Variants in CCDC191 observed in about 807,000 individuals in gnomAD.
The protein encoded by CCDC191 is coiled-coil domain containing 191, also known as coiled-coil domain-containing protein 191.
Under a neutral mutation model 114.0 loss-of-function variants are expected in CCDC191, and 99 were observed. The observed-to-expected ratio is 0.87, with a 90% CI of 0.74 to 1.03. The LOEUF (loss-of-function observed/expected upper bound fraction) is 1.03. Ranked by LOEUF, CCDC191 falls within the 50% of genes least tolerant of loss-of-function variation. The pLI is 0.00. For synonymous variants in CCDC191, 351 were observed against 376.0 expected, an observed-to-expected ratio of 0.93 and a Z score of 0.77; for missense variants, 973 against 1,087.0, an observed-to-expected ratio of 0.90 and a Z score of 1.47.
intron 1 of CCDC191, 53 bp downstream of exon 1, chr3:114,056,324 T>C: frequency 6.4e-7 from 1 of 1,573,834 alleles, no homozygotes. Context: ...GCTTCCTGAC[T>C]GCGCCGCGCC....
chr3:114,035,045 T>A lies in CCDC191; in HGVS notation c.698A>T (p.Glu233Val). The A allele has an allele frequency of 6.2e-7, 1 of 1,614,142 alleles. No individual in the cohort carries two copies. Among genetic ancestry groups the A allele is most frequent in the Non-Finnish European group, 8.5e-7 (1 of 1,180,002 alleles). The change falls in exon 6 of 17, where the codon GAA becomes GTA. Residue 233 changes from glutamate to valine, a missense_variant. Transcript: ENST00000295878. ...CTCCAGAGCCTTCCTTTTCTTCTCT[T>A]CTTGCACCAGACACTGAGCCTCCAA... ...AFLEAQCLVQ[E>V]EKKRKALEAK... is the part of the protein sequence containing the mutation.
intron 13 of CCDC191, among the ~76,000 whole-genome samples, chr3:114,001,038 A>G (rs1013282411): frequency 6.6e-6 from 1 of 152,102 alleles, no homozygotes; most frequent in Non-Finnish European, 1.5e-5. Flanking sequence ...TTTAGGCCTT[A>G]TCTTCCCAAG....
intron 13 of CCDC191, among the ~76,000 whole-genome samples, chr3:113,983,524 A>G (rs2075246758): frequency 6.6e-6 from 1 of 152,174 alleles, no homozygotes; most frequent in Admixed American, 6.5e-5. Flanking sequence ...CAGGAGCTCA[A>G]ATATCACCTC....
intron 16 of CCDC191, among the ~76,000 whole-genome samples, chr3:113,968,809 A>G (rs144907583): frequency 1.3e-5 from 2 of 151,976 alleles, no homozygotes; most frequent in African/African-American, 4.8e-5. Context: ...AGTTCCTTAC[A>G]TATTCTAGTT....
At chr3:113,973,883 T>G (rs1941067414) in intron 16 of CCDC191, among the ~76,000 whole-genome samples, 1 of 151,724 alleles carries the variant, frequency 6.6e-6, no homozygotes, top group South Asian at 2.1e-4. Flanking sequence ...TACCCCTTGT[T>G]CTCATTCAAG....
chr3:114,017,356 C>A (rs116144897), intron 8 of CCDC191, among the ~76,000 whole-genome samples: 1,770 of 152,304 alleles, frequency 0.012, 20 homozygotes, highest in African/African-American at 0.039. Flanking sequence ...TCCTTAGCCA[C>A]AGCTACACAT....
intron 13 of CCDC191, among the ~76,000 whole-genome samples, chr3:113,989,970 G>T (rs2075502004): frequency 6.6e-6 from 1 of 152,144 alleles, no homozygotes; most frequent in Non-Finnish European, 1.5e-5. Flanking sequence ...CTGGGCAACA[G>T]AACAAGGCCC....
At chr3:114,040,055 G>A (rs1206320005) in intron 4 of CCDC191, among the ~76,000 whole-genome samples, 1 of 152,162 alleles carries the variant, frequency 6.6e-6, no homozygotes, top group East Asian at 1.9e-4. Context: ...GGTATACCCT[G>A]TACAGGTGTC....
Position 113,965,113 on chromosome 3 carries a change from G to C in CCDC191, c.*42C>G, listed in dbSNP as rs1299529804. On this transcript the variant is annotated 3_prime_UTR_variant, in exon 17 of 17. Transcript: ENST00000295878. The stretch of plus-strand genomic sequence containing the variant: ...GGTGGGTGGAGATAACACACATACA[G>C]ACTAGTCGAGCTTCCTGTCCTAAAT... The C allele has an allele frequency of 1.7e-5, 22 of 1,309,322 alleles. No homozygotes were observed. The highest frequency in any genetic ancestry group is 1.9e-4 in the Middle Eastern group (1 of 5,282). The allele number at this position is 1,309,322 out of a possible 1,614,324, so 81.1% of individuals were successfully genotyped here.
At chr3:113,974,184 C>CT (rs1941091530) in intron 16 of CCDC191, among the ~76,000 whole-genome samples, 2 of 151,936 alleles carry the variant, frequency 1.3e-5, no homozygotes, top group African/African-American at 4.8e-5. Flanking sequence ...TCTTTGTTAT[C>CT]TTGAAGATCA....
chr3:113,993,536 C>T (rs2075635892), intron 13 of CCDC191, among the ~76,000 whole-genome samples: 1 of 151,994 alleles, frequency 6.6e-6, no homozygotes, highest in Non-Finnish European at 1.5e-5. Context: ...AACAACTGAA[C>T]GTCCATATAA....
At chr3:114,047,655 C>G (rs541363336) in intron 2 of CCDC191, among the ~76,000 whole-genome samples, 2 of 152,158 alleles carry the variant, frequency 1.3e-5, no homozygotes, top group East Asian at 3.9e-4. Flanking sequence ...CAAAGTGAGA[C>G]TGTCTCAAAA....
At chr3:113,967,835 C>G (rs1940369913) in intron 16 of CCDC191, among the ~76,000 whole-genome samples, 1 of 152,190 alleles carries the variant, frequency 6.6e-6, no homozygotes, top group African/African-American at 2.4e-5. Context: ...AATGTATTCT[C>G]TATCTTCATG....
chr3:113,976,478 A>ACAT (rs1175863134), intron 16 of CCDC191, among the ~76,000 whole-genome samples: 1 of 152,108 alleles, frequency 6.6e-6, no homozygotes, highest in African/African-American at 2.4e-5. Flanking sequence ...GGAAATAATG[A>ACAT]CATCTCCCCA....
chr3:114,021,990 T>G (rs963823616), intron 7 of CCDC191, among the ~76,000 whole-genome samples: 3 of 152,172 alleles, frequency 2.0e-5, no homozygotes, highest in Admixed American at 6.5e-5. Context: ...GTTGTGGTAA[T>G]AATTAAGGCT....
At chr3:113,987,782 G>A (rs1312218402) in intron 13 of CCDC191, among the ~76,000 whole-genome samples, 4 of 152,160 alleles carry the variant, frequency 2.6e-5, no homozygotes, top group Non-Finnish European at 4.4e-5. Context: ...AGTGGCTCAC[G>A]CCTGTAATCC....
intron 7 of CCDC191, among the ~76,000 whole-genome samples, chr3:114,022,800 G>GA (rs901687816): frequency 6.6e-6 from 1 of 151,762 alleles, no homozygotes; most frequent in African/African-American, 2.4e-5. Flanking sequence ...TGAGGAAGGA[G>GA]AAAAAAAATT....
chr3:114,028,220 A>G (rs1442931043), intron 7 of CCDC191, among the ~76,000 whole-genome samples: 1 of 151,790 alleles, frequency 6.6e-6, no homozygotes, highest in East Asian at 1.9e-4. Flanking sequence ...TAACCGTACA[A>G]TATTTTGCTT....
chr3:113,988,350 C>T (rs543486374), intron 13 of CCDC191, among the ~76,000 whole-genome samples: 85 of 151,936 alleles, frequency 5.6e-4, no homozygotes, highest in African/African-American at 1.9e-3. Flanking sequence ...AAAAATTAGC[C>T]GGGCATGGTG....
Sources: allele counts gnomAD v4.1 joint callset (sites outside exome capture counted in the v4.1 genomes callset), GRCh38; gene constraint gnomAD v4.1.1; transcripts MANE v1.5; gene names NCBI Gene and HGNC (gene_info 2026-07-23, HGNC 2026-07-21).